The following VPS13D variants were observed in gnomAD, a reference collection of about 807,000 sequenced individuals.
The protein encoded by VPS13D is vacuolar protein sorting 13 homolog D, also known as intermembrane lipid transfer protein VPS13D.
Under a neutral mutation model 461.9 loss-of-function variants are expected in VPS13D, and 187 were observed. The ratio of observed to expected loss-of-function variants is 0.40; its 90% confidence interval spans 0.36 to 0.46. The LOEUF (loss-of-function observed/expected upper bound fraction) is 0.46. VPS13D is among the 20% of genes least tolerant of loss of function. The pLI is 0.60. For synonymous variants in VPS13D, 1,951 were observed against 1,986.3 expected, an observed-to-expected ratio of 0.98 and a Z score of 0.47; for missense variants, 4,711 against 5,364.9, an observed-to-expected ratio of 0.88 and a Z score of 3.81.
chr1:12,234,444 A>G (rs1488910498), intron 2 of VPS13D, 81 bp downstream of exon 2: 1 of 1,152,250 alleles, frequency 8.7e-7, no homozygotes, highest in Non-Finnish European at 1.3e-6. Context: ...TGAGAATCAT[A>G]AAACCTAATG....
intron 65 of VPS13D, among the ~76,000 whole-genome samples, chr1:12,417,330 G>C (rs1557427094): frequency 6.6e-6 from 1 of 152,204 alleles, no homozygotes; most frequent in Admixed American, 6.5e-5. Flanking sequence ...TAGTTGACTG[G>C]TTTGTTCACT....
In VPS13D at chr1:12,355,910, G is replaced by A; in HGVS notation, c.9691G>A (p.Glu3231Lys). The A allele has an allele frequency of 6.3e-7, 1 of 1,584,334 alleles. No individual in the cohort carries two copies. Among genetic ancestry groups the A allele is most frequent in the South Asian group, 1.1e-5 (1 of 88,252 alleles). ...TGTATCTTCTTTAGGGGTATCACTGGAGAATTTCCCCCTCTGTAAAGAATT... is the reference window on the plus strand; with the variant it reads ...TGTATCTTCTTTAGGGGTATCACTGAAGAATTTCCCCCTCTGTAAAGAATT... ...SQNIELGVSL[E>K]NFPLCKELLI... The change falls in exon 48 of 70, where the codon GAG becomes AAG. Residue 3231 changes from glutamate to lysine, a missense_variant. By Grantham distance (56) the Glu-to-Lys change is moderately conservative. Transcript: ENST00000620676.
intron 67 of VPS13D, among the ~76,000 whole-genome samples, chr1:12,463,524 G>A (rs1645439548): frequency 6.6e-6 from 1 of 152,122 alleles, no homozygotes; most frequent in Non-Finnish European, 1.5e-5. Flanking sequence ...GCCAAGGTGG[G>A]AGGATTGCTT....
At chr1:12,440,301 A>T (rs1645113568) in intron 65 of VPS13D, among the ~76,000 whole-genome samples, 1 of 152,192 alleles carries the variant, frequency 6.6e-6, no homozygotes, top group Admixed American at 6.5e-5. Context: ...TTTTCAGTGA[A>T]TGAAAAATAA....
At chr1:12,368,376 C>G (rs1300637853) in intron 52 of VPS13D, 92 bp from the exon 53 acceptor site, 2 of 1,452,234 alleles carry the variant, frequency 1.4e-6, no homozygotes, top group Admixed American at 2.3e-5. Flanking sequence ...GAGGCCCAAA[C>G]AGTGTTGTGA....
chr1:12,492,780 T>G (rs1645900741), intron 67 of VPS13D, among the ~76,000 whole-genome samples: 2 of 152,056 alleles, frequency 1.3e-5, no homozygotes, highest in Admixed American at 6.5e-5. Flanking sequence ...AGTCATACAA[T>G]GGAATATGAA....
chr1:12,374,082 C>T (rs898557226), intron 55 of VPS13D, among the ~76,000 whole-genome samples: 7 of 152,022 alleles, frequency 4.6e-5, no homozygotes, highest in African/African-American at 9.7e-5. Flanking sequence ...ATCAGCAGAA[C>T]GTGAATAATA....
chr1:12,337,168 T>C (rs1643469865), intron 39 of VPS13D: 1 of 152,206 alleles, frequency 6.6e-6, no homozygotes, highest in Admixed American at 6.5e-5. Context: ...TATTTAAAGA[T>C]TTTTATGATT....
chr1:12,285,682 G>A (rs556298280), intron 21 of VPS13D, among the ~76,000 whole-genome samples: 1 of 152,266 alleles, frequency 6.6e-6, no homozygotes, highest in African/African-American at 2.4e-5. Context: ...ATACCACAAT[G>A]CATTGTCACG....
chr1:12,499,777 G>A, intron 68 of VPS13D: 3 of 985,408 alleles, frequency 3.0e-6, no homozygotes, highest in Non-Finnish European at 3.6e-6. Flanking sequence ...ATCAGGGAGT[G>A]TGTCGCATGT....
At chr1:12,247,539 C>T (rs1262470077) in intron 5 of VPS13D, among the ~76,000 whole-genome samples, 1 of 150,242 alleles carries the variant, frequency 6.7e-6, no homozygotes, top group Non-Finnish European at 1.5e-5. Flanking sequence ...AAAAAGCAAA[C>T]ATTTATTATT....
chr1:12,338,239 C>T lies in VPS13D; in HGVS notation c.8560C>T (p.Leu2854Phe). Reference sequence around the variant, plus strand: ...TCTCTCCTGTCTACCAGGCCTCCCCCTTGTCTACCTTAGAACTAGGAGTAC... The same window carrying T: ...TCTCTCCTGTCTACCAGGCCTCCCCTTTGTCTACCTTAGAACTAGGAGTAC... Reference protein sequence around the residue: ...DPPCFGQSLPLVYLRTRSTAS... With the variant: ...DPPCFGQSLPFVYLRTRSTAS... The change falls in exon 40 of 70, where the codon CTT (leucine) becomes TTT (phenylalanine). Residue 2854 changes from leucine to phenylalanine, a missense_variant. Physicochemically the swap from Leu to Phe is conservative, Grantham distance 22. Transcript: ENST00000620676. 1.2e-6 allele frequency: 2 copies of T among 1,613,614 alleles called. No homozygotes were observed. The highest frequency in any genetic ancestry group is 1.1e-5 in the South Asian group (1 of 91,068).
chr1:12,404,842 C>T (rs970227481), intron 63 of VPS13D, among the ~76,000 whole-genome samples: 1 of 152,072 alleles, frequency 6.6e-6, no homozygotes, highest in Non-Finnish European at 1.5e-5. Flanking sequence ...GAAAGTCTTT[C>T]CTTAGTTTGA....
chr1:12,457,779 C>T (rs760020765), intron 66 of VPS13D, among the ~76,000 whole-genome samples: 3 of 152,170 alleles, frequency 2.0e-5, no homozygotes, highest in Admixed American at 6.5e-5. Flanking sequence ...GCTGCCCAAC[C>T]GTAAAGGGAG....
intron 15 of VPS13D, 136 bp downstream of exon 15, chr1:12,268,056 G>A: frequency 1.6e-6 from 1 of 628,224 alleles, no homozygotes. Context: ...CTGCCTCCCG[G>A]GTTCGAGTGA....
chr1:12,247,293 G>A (rs763406321), intron 5 of VPS13D, among the ~76,000 whole-genome samples: 23 of 151,788 alleles, frequency 1.5e-4, no homozygotes, highest in Admixed American at 3.9e-4. Context: ...TGTGCGTGTC[G>A]TCCCAGCTAC....
rs1330482290 is a variant in VPS13D at position 12,318,190 on chromosome 1, C to G, written c.7267C>G (p.Gln2423Glu). 2.5e-6 allele frequency: 4 copies of G among 1,614,044 alleles called. No individual in the cohort carries two copies. Among genetic ancestry groups the G allele is most frequent in the Non-Finnish European group, 3.4e-6 (4 of 1,180,030 alleles). The change falls in exon 31 of 70, where the codon CAA becomes GAA. Residue 2423 changes from glutamine (Q) to glutamate (E), a missense_variant. Gln to Glu is a conservative substitution (Grantham distance 29). Around this residue, in one of 3 missense-constraint regions of VPS13D, gnomAD observed 4,411 missense variants for 4,937.8 expected, o/e 0.89. Transcript: ENST00000620676. ...CCACACTCCCAGTGATATTAAGAAA[C>G]AAAATCATGTTACTCCTTCTCGCCA... ...FLHTPSDIKK[Q>E]NHVTPSRHRN...
intron 50 of VPS13D, among the ~76,000 whole-genome samples, 166 bp downstream of exon 50, chr1:12,358,767 G>C (rs1178167354): frequency 6.6e-6 from 1 of 152,184 alleles, no homozygotes; most frequent in African/African-American, 2.4e-5. Context: ...TATCAACACA[G>C]ATCTATTCTC....
intron 66 of VPS13D, among the ~76,000 whole-genome samples, chr1:12,458,482 G>A (rs1645359056): frequency 2.0e-5 from 3 of 152,114 alleles, no homozygotes; most frequent in South Asian, 2.1e-4. Flanking sequence ...AGGGAGAATC[G>A]CTTGAGCCCA....
Sources: gnomAD v4.1 joint callset for allele counts (sites outside exome capture counted in the v4.1 genomes callset) on GRCh38, gnomAD v4.1.1 for gene constraint, gnomAD v4.1.1 regional missense constraint, MANE v1.5 for transcripts, NCBI Gene and HGNC (gene_info 2026-07-23, HGNC 2026-07-21) for gene names.